The following CELF1 variants were observed in gnomAD, a reference collection of about 807,000 sequenced individuals.
CELF1 encodes 50 kDa nuclear polyadenylated RNA-binding protein.
Under a neutral mutation model 61.8 loss-of-function variants are expected in CELF1, and 10 were observed. The ratio of observed to expected loss-of-function variants is 0.16; its 90% CI spans 0.10 to 0.27. The LOEUF is 0.27. Among genes scored for constraint, CELF1 ranks in the 10% least tolerant of loss-of-function variants. CELF1 has a pLI of 1.00. For missense variants in CELF1, 380 were observed against 639.1 expected (o/e 0.59, Z 4.37); for synonymous variants, 236 against 225.1 (o/e 1.05, Z -0.43).
rs2096558739 is a variant in CELF1 at position 47,533,890 on chromosome 11, TCTTA to T, written c.-154+19098_-154+19101del. ...TGCACAATAGTTAAATATATTCAACTCTTAGTTTTTCCCCTCCCTCTTCATAAAA... is the reference window on the plus strand; with the variant it reads ...TGCACAATAGTTAAATATATTCAACTGTTTTTCCCCTCCCTCTTCATAAAA... On this transcript the variant is annotated intron_variant, in intron 1 of 14. Transcript: ENST00000687097. Among the ~76,000 whole-genome samples, 3 of 151,444 alleles carry T rather than the reference TCTTA, an allele frequency of 2.0e-5. 1 individual carries two copies. The South Asian group carries it at 6.3e-4, about 32-fold the overall frequency.
intron 1 of CELF1, among the ~76,000 whole-genome samples, chr11:47,519,588 G>A (rs374285391): frequency 1.3e-5 from 2 of 151,972 alleles, no homozygotes; most frequent in Non-Finnish European, 2.9e-5. Context: ...GCTTCTCGCC[G>A]GGCGTGGTGG....
At position 47,553,082 on chromosome 11, in the gene CELF1, G is replaced by C. The variant is rs1471914823; in HGVS notation, c.-244C>G. On this transcript the variant is annotated 5_prime_UTR_variant, in exon 1 of 15. Transcript: ENST00000687097. ...GCCTCGCTGCTGAGGCCGAATCCCG[G>C]GGGAGCCTCCGCGTCCCGCCGCCGC... The C allele has an allele frequency of 1.5e-5, 6 of 399,862 alleles. No homozygotes were observed. The highest frequency in any genetic ancestry group is 2.2e-5 in the Non-Finnish European group (5 of 227,322). 24.8% of individuals were successfully genotyped at this position (399,862 alleles called of 1,614,324 possible). A position where few individuals can be genotyped will look rare whatever the true frequency, so the allele number is the denominator to read the frequency against.
At chr11:47,533,361 C>A (rs1471022510) in intron 1 of CELF1, among the ~76,000 whole-genome samples, 2 of 152,120 alleles carry the variant, frequency 1.3e-5, no homozygotes, top group Non-Finnish European at 2.9e-5. Flanking sequence ...GTGGCTCATG[C>A]CTATAATCCC....
At position 47,563,535 on chromosome 11, in the gene CELF1, C is replaced by A. The variant is rs185727645; in HGVS notation, c.-11+816G>T. Among the ~76,000 whole-genome samples, 115 of 151,806 alleles carry A rather than the reference C, an allele frequency of 7.6e-4. No homozygotes were observed. In the East Asian group the frequency reaches 0.02, roughly 27 times the overall value. ...ACCCCATCTCTATTAAAAACACACACAAAATTAGCCAGGCATGGTGGCGGG... is the reference window on the plus strand; with the variant it reads ...ACCCCATCTCTATTAAAAACACACAAAAAATTAGCCAGGCATGGTGGCGGG... On this transcript the variant is annotated intron_variant, in intron 2 of 3. Coordinates refer to the CELF1 transcript ENST00000525841.
intron 1 of CELF1, among the ~76,000 whole-genome samples, chr11:47,533,584 C>T (rs1172844120): frequency 6.6e-6 from 1 of 152,036 alleles, no homozygotes; most frequent in Admixed American, 6.6e-5. Flanking sequence ...GATCGCACCA[C>T]CGCACTCCAG....
At chr11:47,493,012 G>C (rs1197899919) in intron 3 of CELF1, among the ~76,000 whole-genome samples, 1 of 152,102 alleles carries the variant, frequency 6.6e-6, no homozygotes, top group Non-Finnish European at 1.5e-5. Context: ...TGCCAATTCT[G>C]AACTTTTGCA....
At chr11:47,555,521 C>G (rs921804159), upstream of CELF1, among the ~76,000 whole-genome samples, 1 of 151,936 alleles carries the variant, frequency 6.6e-6, no homozygotes, top group African/African-American at 2.4e-5. Context: ...GACTGTTAGC[C>G]CAAGGTTGGG....
chr11:47,534,934 C>T (rs754280750), intron 1 of CELF1, among the ~76,000 whole-genome samples: 2 of 151,784 alleles, frequency 1.3e-5, no homozygotes, highest in Non-Finnish European at 2.9e-5. Flanking sequence ...AGATCATTTA[C>T]AAGTCTGATC....
chr11:47,481,479 T>G (rs896538126), intron 9 of CELF1, among the ~76,000 whole-genome samples: 4 of 152,144 alleles, frequency 2.6e-5, no homozygotes, highest in Non-Finnish European at 4.4e-5. Flanking sequence ...CCACTGGAAC[T>G]AAACCAAAAT....
rs1237021348 is a variant in CELF1, at chr11:47,467,985, T to TG, written c.*4244dup. The TG allele has an allele frequency of 6.6e-6, 1 of 151,898 alleles. No individual in the cohort carries two copies. The highest frequency in any genetic ancestry group is 2.4e-5 in the African/African-American group (1 of 41,336). The allele number at this position is 151,898 out of a possible 1,614,324, so 9.4% of individuals were successfully genotyped here. On this transcript the variant is annotated 3_prime_UTR_variant, in exon 15 of 15. Transcript: ENST00000687097. Reference sequence around the variant, plus strand: ...GAGGTGAAGGTGATATATACGAAGGTGTGAAGAAACAGCAGGAAACATGCA... The same window carrying TG: ...GAGGTGAAGGTGATATATACGAAGGTGGTGAAGAAACAGCAGGAAACATGCA...
upstream of CELF1, among the ~76,000 whole-genome samples, chr11:47,557,058 C>T (rs1402316116): frequency 6.6e-6 from 1 of 151,688 alleles, no homozygotes; most frequent in Non-Finnish European, 1.5e-5. Flanking sequence ...CACCACCACG[C>T]CCAGCTAATT....
At chr11:47,531,503 A>G (rs1013692418) in intron 1 of CELF1, among the ~76,000 whole-genome samples, 8 of 152,136 alleles carry the variant, frequency 5.3e-5, no homozygotes, top group Non-Finnish European at 1.0e-4. Context: ...TGGGAGGCAG[A>G]GGTTGCAGTG....
Position 47,510,953 on chromosome 11 carries a change from G to C in CELF1, c.-153-10021C>G, listed in dbSNP as rs140145491. 3.2e-3 allele frequency among the ~76,000 whole-genome samples: 483 copies of C among 152,160 alleles called. 4 individuals are homozygous for C. Among genetic ancestry groups the C allele is most frequent in the African/African-American group, 0.011 (464 of 41,492 alleles). ...TCCCAACACTCTGGGAAGCTCAAGT[G>C]AGAGGACTGCATGAGCCCACAAGTT... On this transcript the variant is annotated intron_variant, in intron 1 of 14. Coordinates refer to ENST00000687097, the MANE Select transcript of CELF1 (RefSeq NM_001376376.1).
At chr11:47,492,619 C>G (rs1445134766) in intron 3 of CELF1, among the ~76,000 whole-genome samples, 2 of 152,108 alleles carry the variant, frequency 1.3e-5, no homozygotes, top group Non-Finnish European at 2.9e-5. Flanking sequence ...GTAATCCCAG[C>G]TACTCGGGAG....
At chr11:47,510,714 T>C (rs1295028107) in intron 1 of CELF1, among the ~76,000 whole-genome samples, 2 of 152,174 alleles carry the variant, frequency 1.3e-5, no homozygotes, top group Non-Finnish European at 2.9e-5. Flanking sequence ...CTTGAACTCC[T>C]GGGCTCAAGC....
intron 14 of CELF1, 134 bp from the exon 15 acceptor site, chr11:47,472,491 T>C (rs914844530): frequency 6.9e-5 from 64 of 921,068 alleles, no homozygotes; most frequent in Non-Finnish European, 6.9e-5. Context: ...AATCTGGACA[T>C]TATGTCATAC....
chr11:47,510,332 T>A (rs4752843), intron 1 of CELF1, among the ~76,000 whole-genome samples: 4 of 152,108 alleles, frequency 2.6e-5, no homozygotes, highest in Middle Eastern at 3.4e-3. Context: ...GACAAAATAT[T>A]GTCTTTCCCA....
intron 1 of CELF1, among the ~76,000 whole-genome samples, chr11:47,552,013 TAAAAA>T (rs78697230): frequency 2.4e-5 from 3 of 127,142 alleles, no homozygotes; most frequent in Non-Finnish European, 3.4e-5. Flanking sequence ...AACTCCGTCT[TAAAAA>T]AAAAAAAAAA....
chr11:47,535,443 C>T (rs1471225888), intron 1 of CELF1, among the ~76,000 whole-genome samples: 1 of 152,038 alleles, frequency 6.6e-6, no homozygotes, highest in East Asian at 1.9e-4. Flanking sequence ...CTTTGGGAGG[C>T]CGAGGCAGGC....
Sources: allele counts gnomAD v4.1 joint callset (sites outside exome capture counted in the v4.1 genomes callset), GRCh38; gene constraint gnomAD v4.1.1; transcripts MANE v1.5; gene names NCBI Gene and HGNC (gene_info 2026-07-23, HGNC 2026-07-21).